EXOC3L2: variants seen among roughly 807,000 people sequenced by gnomAD.
EXOC3L2 encodes the protein exocyst complex component 3-like protein 2.
In EXOC3L2, 17 loss-of-function variants were observed where a neutral mutation model predicts 44.4. The ratio of observed to expected loss-of-function variants is 0.38; its 90% CI spans 0.26 to 0.57. The LOEUF (loss-of-function observed/expected upper bound fraction) is 0.57. EXOC3L2 is among the 20% of genes least tolerant of loss of function. The probability of loss-of-function intolerance (pLI) is 0.65; values close to 1 mark genes in which losing one functional copy is unlikely to be tolerated. For synonymous variants in EXOC3L2, 256 were observed against 253.7 expected, an observed-to-expected ratio of 1.01 and a Z score of -0.09; for missense variants, 541 against 588.4, an observed-to-expected ratio of 0.92 and a Z score of 0.83.
Position 45,234,610 on chromosome 19 carries a change from G to C in EXOC3L2, c.740C>G (p.Ala247Gly). The C allele has an allele frequency of 3.2e-6, 1 of 314,044 alleles. No homozygotes were observed. The allele number at this position is 314,044 out of a possible 1,614,324, so 19.5% of individuals were successfully genotyped here. A position where few individuals can be genotyped will look rare whatever the true frequency, so the allele number is the denominator to read the frequency against. ...GGCGCACGCTCCCGGCCCGGGGCCC[G>C]CCAGCGTCTCGCGCACCAGCGCCCA... is the stretch of plus-strand genomic sequence containing the variant. ...ELWALVRETL[A>G]GPGPGACAGA... The change falls in exon 3 of 12, where the codon GCG becomes GGG. Residue 247 changes from alanine to glycine, a missense_variant. Ala to Gly is a moderately conservative substitution (Grantham distance 60, BLOSUM62 0). Transcript: ENST00000413988. The surrounding 1 kb of genome is among the most constrained non-coding windows in gnomAD (Gnocchi z 5.0).
rs551113211 is a variant in EXOC3L2 at position 45,243,871 on chromosome 19, G to A, written c.-17+1470C>T. 2.6e-5 allele frequency among the ~76,000 whole-genome samples: 4 copies of A among 151,798 alleles called. No individual in the cohort carries two copies. In the East Asian group the frequency reaches 5.8e-4, roughly 22 times the overall value. On this transcript the variant is annotated intron_variant, in intron 1 of 11. Coordinates refer to ENST00000413988, the MANE Select transcript of EXOC3L2 (RefSeq NM_001382422.1). ...TCTCGAACTCCTGACCTTGTGATCC[G>A]CCTGTTTCAGCCTCCCAAAGTGCTG...
At chr19:45,237,822 G>A (rs943553382) in intron 2 of EXOC3L2, among the ~76,000 whole-genome samples, 2 of 152,174 alleles carry the variant, frequency 1.3e-5, no homozygotes, top group East Asian at 3.8e-4. Context: ...GGGCAGACCC[G>A]AATCCCATGT....
At chr19:45,222,560 C>T (rs2122964997) in intron 8 of EXOC3L2, among the ~76,000 whole-genome samples, 1 of 152,184 alleles carries the variant, frequency 6.6e-6, no homozygotes, top group South Asian at 2.1e-4. Flanking sequence ...TCTCTCCTTT[C>T]CTTCCTCCCT....
rs56175442 is a variant in EXOC3L2, at chr19:45,242,861, C to CAA, written c.-17+2478_-17+2479dup. ...TAGGCAACAGAGCGAAACTCCATCTCAAAAAAAAAAAAAAAAAAAAAGAAT... is the reference window on the plus strand; with the variant it reads ...TAGGCAACAGAGCGAAACTCCATCTCAAAAAAAAAAAAAAAAAAAAAAAGAAT... On this transcript the variant is annotated intron_variant, in intron 1 of 11. Coordinates refer to ENST00000413988, the MANE Select transcript of EXOC3L2 (RefSeq NM_001382422.1). Among the ~76,000 whole-genome samples the CAA allele has an allele frequency of 2.2e-3, 187 of 85,556 alleles. 1 individual carries two copies. Among genetic ancestry groups the CAA allele is most frequent in the African/African-American group, 8.0e-3 (168 of 21,028 alleles). The allele number at this position is 85,556 out of a possible 152,430, so 56.1% of individuals were successfully genotyped here.
At chr19:45,231,917 G>T (rs1402628863) in intron 3 of EXOC3L2, 43 bp from the exon 4 acceptor site, 6 of 1,426,852 alleles carry the variant, frequency 4.2e-6, no homozygotes, top group South Asian at 1.2e-5. Context: ...TGAAAAGTGG[G>T]GCTGGGCAGT....
intron 11 of EXOC3L2, among the ~76,000 whole-genome samples, chr19:45,215,597 T>A (rs1021193483): frequency 6.6e-6 from 1 of 152,092 alleles, no homozygotes; most frequent in Non-Finnish European, 1.5e-5. Context: ...GATGATAAAT[T>A]TCCCTAATAA....
At chr19:45,231,728 C>T in intron 4 of EXOC3L2, 35 bp downstream of exon 4, 1 of 1,572,886 alleles carries the variant, frequency 6.4e-7, no homozygotes, top group Middle Eastern at 1.7e-4. Flanking sequence ...CCCTCCACAG[C>T]ACCTCCTGCT....
intron 2 of EXOC3L2, among the ~76,000 whole-genome samples, chr19:45,236,594 G>A (rs898145474): frequency 6.6e-6 from 1 of 152,074 alleles, no homozygotes; most frequent in Admixed American, 6.6e-5. Context: ...TTAGGACTGG[G>A]ACTCAGGATA....
intron 2 of EXOC3L2, among the ~76,000 whole-genome samples, chr19:45,236,078 G>A (rs1417652990): frequency 6.6e-6 from 1 of 151,704 alleles, no homozygotes; most frequent in African/African-American, 2.4e-5. Context: ...GGACAGAAAT[G>A]GGAAAGAGGC....
chr19:45,240,102 A>ATTT (rs34966417), intron 1 of EXOC3L2, among the ~76,000 whole-genome samples: 35 of 125,970 alleles, frequency 2.8e-4, no homozygotes, highest in African/African-American at 7.7e-4. Context: ...GCAAAGCCTA[A>ATTT]TTTTTTTTTT....
At position 45,213,112 on chromosome 19, in the gene EXOC3L2, C is replaced by G. The variant is rs779999765; in HGVS notation, c.2366G>C (p.Arg789Pro). 3.2e-6 allele frequency: 5 copies of G among 1,546,444 alleles called. No individual in the cohort carries two copies. Among genetic ancestry groups the G allele is most frequent in the Non-Finnish European group, 4.3e-6 (5 of 1,150,514 alleles). The change falls in exon 12 of 12, where the codon CGG (arginine) becomes CCG (proline). Residue 789 changes from arginine to proline, a missense_variant. Coordinates refer to ENST00000413988, the MANE Select transcript of EXOC3L2 (RefSeq NM_001382422.1). ...LARPSLACLP[R>P]PRPPSLARPR... Reference sequence around the variant, plus strand: ...TCGCGCTAGAGACGGAGGCCGGGGCCGAGGCAGACAGGCCAAACTGGGCCT... The same window carrying G: ...TCGCGCTAGAGACGGAGGCCGGGGCGGAGGCAGACAGGCCAAACTGGGCCT...
chr19:45,214,283 C>T (rs927457022), intron 11 of EXOC3L2, among the ~76,000 whole-genome samples: 2 of 152,106 alleles, frequency 1.3e-5, no homozygotes, highest in Admixed American at 6.6e-5. Context: ...CCCGCTCATG[C>T]CTCACTCCTT....
rs1321252392 is a variant in EXOC3L2, at chr19:45,238,308, T to C, written c.523+215A>G. On this transcript the variant is annotated intron_variant, in intron 2 of 11. Coordinates refer to ENST00000413988, the MANE Select transcript of EXOC3L2 (RefSeq NM_001382422.1). The surrounding 1 kb of genome is among the most constrained non-coding windows in gnomAD (Gnocchi z 5.5). ...GTGGGCATATATTAACAGGTGGCAC[T>C]GAAGAGAAAGGTTGACGACAGGGAT... 6.6e-6 allele frequency among the ~76,000 whole-genome samples: 1 copy of C among 151,992 alleles called. No individual in the cohort carries two copies. The highest frequency in any genetic ancestry group is 2.4e-5 in the African/African-American group (1 of 41,358).
chr19:45,233,226 A>C lies in EXOC3L2; in HGVS notation c.1157+967T>G, dbSNP rs556141814. Among the ~76,000 whole-genome samples the C allele has an allele frequency of 5.6e-4, 85 of 152,178 alleles. 1 individual carries two copies. Among genetic ancestry groups the C allele is most frequent in the African/African-American group, 2.0e-3 (82 of 41,506 alleles). ...GCAAGACTCCGTCTCAAAATAAATA[A>C]ATAAATAAATAAATAACGTCCTAAA... On this transcript the variant is annotated intron_variant, in intron 3 of 11. Transcript: ENST00000413988.
At chr19:45,215,933 C>CT in intron 11 of EXOC3L2, 140 bp downstream of exon 11, 1 of 1,224,612 alleles carries the variant, frequency 8.2e-7, no homozygotes, top group South Asian at 1.5e-5. Flanking sequence ...TAATAATGCC[C>CT]TGGTTCCAGC....
intron 7 of EXOC3L2, among the ~76,000 whole-genome samples, chr19:45,226,071 T>G (rs181477277): frequency 1.3e-5 from 2 of 152,326 alleles, no homozygotes; most frequent in Admixed American, 1.3e-4. Context: ...TGGATTCCAC[T>G]GCTTAGCTGT....
chr19:45,228,479 A>C (rs1969991621), intron 4 of EXOC3L2, among the ~76,000 whole-genome samples: 1 of 152,086 alleles, frequency 6.6e-6, no homozygotes, highest in Non-Finnish European at 1.5e-5. Context: ...GGAACTTCAT[A>C]TTAAAAGTCT....
chr19:45,228,632 C>T (rs981203352), intron 4 of EXOC3L2, among the ~76,000 whole-genome samples: 14 of 152,004 alleles, frequency 9.2e-5, no homozygotes, highest in Non-Finnish European at 1.5e-4. Flanking sequence ...ATTAGCTGGG[C>T]GTGGTGGTGC....
intron 2 of EXOC3L2, among the ~76,000 whole-genome samples, chr19:45,235,230 G>A (rs958590082): frequency 6.6e-6 from 1 of 152,182 alleles, no homozygotes; most frequent in African/African-American, 2.4e-5. Context: ...GGAAGGCAGA[G>A]GTTGCAGTGA....
Sources: gnomAD v4.1 joint callset for allele counts (sites outside exome capture counted in the v4.1 genomes callset) on GRCh38, gnomAD v4.1.1 for gene constraint, Gnocchi (gnomAD v3.1) non-coding constraint, MANE v1.5 for transcripts, NCBI Gene and HGNC (gene_info 2026-07-23, HGNC 2026-07-21) for gene names.